SLC29A1: variants seen among roughly 807,000 people sequenced by gnomAD.
SLC29A1 encodes the protein solute carrier family 29 member 1 (Augustine blood group), also known as equilibrative nucleoside transporter 1.
A neutral mutation model predicts 48.3 loss-of-function variants in SLC29A1; 22 were observed. That is an observed-to-expected ratio of 0.46 (90% confidence interval 0.33 to 0.65). The LOEUF (loss-of-function observed/expected upper bound fraction) is 0.65, where lower values mean the gene tolerates loss of function less well. SLC29A1 is among the 30% of genes least tolerant of loss of function. SLC29A1 has a pLI of 0.03. For synonymous variants in SLC29A1, 228 were observed against 231.0 expected (o/e 0.99, Z 0.12); for missense variants, 491 against 575.3 (o/e 0.85, Z 1.50).
chr6:44,230,805 T>G lies in SLC29A1; in HGVS notation c.688-6T>G, dbSNP rs748642392. ...ATCCACCTCCCCCGTCTCCCTTACT[T>G]GATAGGAATTCTACCGCTACTACCA... is the stretch of plus-strand genomic sequence containing the variant. On this transcript the variant is annotated splice_region_variant and splice_polypyrimidine_tract_variant and intron_variant, in intron 7 of 12. Transcript: ENST00000371755. The G allele has an allele frequency of 1.2e-6, 2 of 1,613,228 alleles. No homozygotes were observed. The highest frequency in any genetic ancestry group is 2.2e-5 in the South Asian group (2 of 91,070).
chr6:44,231,983 A>T lies in SLC29A1; in HGVS notation c.865-15A>T, dbSNP rs772021375. The T allele has an allele frequency of 1.3e-6, 2 of 1,582,830 alleles. No individual in the cohort carries two copies. The highest frequency in any genetic ancestry group is 1.1e-5 in the South Asian group (1 of 90,376). On this transcript the variant is annotated splice_polypyrimidine_tract_variant and intron_variant, in intron 9 of 12. Transcript: ENST00000371755. ...AAGACACAGGCATTTGGGTGACTCT[A>T]CCCCTTCTATCTAGATCTCAGTCCT...
At position 44,229,045 on chromosome 6, in the gene SLC29A1, C is replaced by G. The variant is rs1007003696; in HGVS notation, c.30-345C>G. ...TGCTTTCTCACTCATCCACCCACCC[C>G]CTGCCCTTCGGCAGGATTTCCAAAA... On this transcript the variant is annotated intron_variant, in intron 2 of 12. Coordinates refer to ENST00000371755, the MANE Select transcript of SLC29A1 (RefSeq NM_001372327.1). The surrounding 1 kb of genome is among the most constrained non-coding windows in gnomAD (Gnocchi z 5.1). Among the ~76,000 whole-genome samples, 1 of 152,242 alleles carries G rather than the reference C, an allele frequency of 6.6e-6. No individual in the cohort carries two copies. Among genetic ancestry groups the G allele is most frequent in the East Asian group, 1.9e-4 (1 of 5,202 alleles).
Position 44,231,458 on chromosome 6 carries a change from A to T in SLC29A1, c.861A>T (p.Lys287Asn). Residue 287 changes from lysine to asparagine, a missense_variant, in exon 9 of 13, where the codon AAA becomes AAT. Lys to Asn is a moderately conservative substitution (Grantham distance 94). Transcript: ENST00000371755. ...NESHSIKAILKNISVLAFSVC... is the reference protein window; with the variant it reads ...NESHSIKAILNNISVLAFSVC... ...GCCACTCTATCAAAGCCATCCTGAAAAATGTACGTAGGGGAGGTTATCCTA... is the reference window on the plus strand; with the variant it reads ...GCCACTCTATCAAAGCCATCCTGAATAATGTACGTAGGGGAGGTTATCCTA... 6.3e-7 allele frequency: 1 copy of T among 1,594,000 alleles called. No homozygotes were observed. The highest frequency in any genetic ancestry group is 8.6e-7 in the Non-Finnish European group (1 of 1,164,730).
At chr6:44,227,569 CTG>C (rs906037062) in intron 2 of SLC29A1, among the ~76,000 whole-genome samples, 5 of 152,342 alleles carry the variant, frequency 3.3e-5, no homozygotes, top group Middle Eastern at 3.4e-3. Flanking sequence ...CCTGGCCTGT[CTG>C]TGTTTCCACT....
At position 44,229,366 on chromosome 6, in the gene SLC29A1, C is replaced by G; in HGVS notation, c.30-24C>G. On this transcript the variant is annotated intron_variant, in intron 2 of 12. Coordinates refer to ENST00000371755, the MANE Select transcript of SLC29A1 (RefSeq NM_001372327.1). This position sits in a 1 kb window ranked among gnomAD's most constrained non-coding sequence, Gnocchi z 5.1. The stretch of plus-strand genomic sequence containing the variant: ...TGGGGCAGGATGGTGCGTCATTTGG[C>G]CCATCTTTCCTCCTCCATTGCAGAT... The G allele has an allele frequency of 6.3e-7, 1 of 1,589,764 alleles. No individual in the cohort carries two copies. Among genetic ancestry groups the G allele is most frequent in the Non-Finnish European group, 8.6e-7 (1 of 1,157,812 alleles).
In SLC29A1 at chr6:44,223,662, CTG is replaced by C. The variant is rs955610393; in HGVS notation, c.-52+22_-52+23del. 224 of 1,174,208 alleles carry C rather than the reference CTG, an allele frequency of 1.9e-4. No individual in the cohort carries two copies. The highest frequency in any genetic ancestry group is 2.3e-4 in the Non-Finnish European group (211 of 928,846). The allele number at this position is 1,174,208 out of a possible 1,614,324, so 72.7% of individuals were successfully genotyped here. A position where few individuals can be genotyped will look rare whatever the true frequency, so the allele number is the denominator to read the frequency against. The stretch of plus-strand genomic sequence containing the variant: ...GGCAGGTGCTGCCCGGGGCCGGGGA[CTG>C]GGGACTGGGGACTGCCGGGGCGGAA... On this transcript the variant is annotated intron_variant, in intron 1 of 12. Transcript: ENST00000371755. This position sits in a 1 kb window ranked among gnomAD's most constrained non-coding sequence, Gnocchi z 5.0.
Position 44,230,643 on chromosome 6 carries a change from G to T in SLC29A1, c.665G>T (p.Cys222Phe), listed in dbSNP as rs760876039. 6.4e-7 allele frequency: 1 copy of T among 1,559,140 alleles called. No homozygotes were observed. Among genetic ancestry groups the T allele is most frequent in the African/African-American group, 1.4e-5 (1 of 70,202 alleles). Reference protein sequence around the residue: ...ACAVIILTIICYLGLPRLEFY... With the variant: ...ACAVIILTIIFYLGLPRLEFY... ...GCTGTTATCATTTTGACCATCATCT[G>T]TTACCTGGGCCTGCCCCGCCTGGTG... The change falls in exon 7 of 13, where the codon TGT becomes TTT. Residue 222 changes from cysteine to phenylalanine, a missense_variant. Coordinates refer to ENST00000371755, the MANE Select transcript of SLC29A1 (RefSeq NM_001372327.1).
rs888228858 is a variant in SLC29A1 at position 44,233,096 on chromosome 6, G to A, written c.1259+90G>A. On this transcript the variant is annotated intron_variant, in intron 12 of 12. Coordinates refer to ENST00000371755, the MANE Select transcript of SLC29A1 (RefSeq NM_001372327.1). ...TCAGTAGAGGGAGGGCAAAAGGAGA[G>A]TCCCTGCTCCCAGAGCTGAGAGGAG... is the stretch of plus-strand genomic sequence containing the variant. 10 of 1,334,338 alleles carry A rather than the reference G, an allele frequency of 7.5e-6. No individual in the cohort carries two copies. In the East Asian group the frequency reaches 2.3e-4, roughly 31 times the overall value. The allele number at this position is 1,334,338 out of a possible 1,614,324, so 82.7% of individuals were successfully genotyped here.
Position 44,226,779 on chromosome 6 carries a change from C to G in SLC29A1, c.-51-484C>G, listed in dbSNP as rs931983988. The G allele has an allele frequency of 6.0e-6, 6 of 1,003,360 alleles. No homozygotes were observed. The Admixed American group carries it at 3.2e-4, about 54-fold the overall frequency. The allele number at this position is 1,003,360 out of a possible 1,614,324, so 62.2% of individuals were successfully genotyped here. A position where few individuals can be genotyped will look rare whatever the true frequency, so the allele number is the denominator to read the frequency against. The stretch of plus-strand genomic sequence containing the variant: ...ATCATCGATGTTGTCGCAGCTGCTG[C>G]AGATCTGCCTGTTCCGTGTCCTTCC... On this transcript the variant is annotated intron_variant, in intron 1 of 12. Coordinates refer to ENST00000371755, the MANE Select transcript of SLC29A1 (RefSeq NM_001372327.1).
intron 1 of SLC29A1, chr6:44,226,201 T>G (rs1319875135): frequency 1.3e-6 from 1 of 791,330 alleles, no homozygotes; most frequent in East Asian, 1.3e-4. Context: ...AGGGAAGCTG[T>G]CCTTTCACCC....
chr6:44,228,787 C>T (rs1347063193), intron 2 of SLC29A1, among the ~76,000 whole-genome samples: 2 of 152,204 alleles, frequency 1.3e-5, no homozygotes, highest in African/African-American at 4.8e-5. Context: ...CCCATACCTC[C>T]TGGCCTGCCC....
chr6:44,230,318 C>T (rs1778544109), intron 5 of SLC29A1, 29 bp from the exon 6 acceptor site: 1 of 1,600,042 alleles, frequency 6.2e-7, no homozygotes, highest in Non-Finnish European at 8.5e-7. Context: ...GCCCTAGCTC[C>T]CCTGCTCATG....
intron 8 of SLC29A1, 71 bp from the exon 9 acceptor site, chr6:44,231,293 T>C (rs945921551): frequency 1.9e-5 from 19 of 1,011,870 alleles, no homozygotes; most frequent in Non-Finnish European, 2.8e-5. Context: ...CCCAGCCGTT[T>C]TGGGGAATGT....
chr6:44,233,156 T>C (rs1779267602), intron 12 of SLC29A1, 150 bp downstream of exon 12: 1 of 877,622 alleles, frequency 1.1e-6, no homozygotes, highest in Non-Finnish European at 1.8e-6. Context: ...GCTGAGGGGA[T>C]AGTGACTGTA....
chr6:44,230,074 G>A, intron 5 of SLC29A1, 28 bp downstream of exon 5: 6 of 1,602,164 alleles, frequency 3.7e-6, no homozygotes, highest in Non-Finnish European at 4.2e-6. Flanking sequence ...GGGGCCTATG[G>A]GAGGAGGCAT....
chr6:44,226,886 G>A (rs1012581850), intron 1 of SLC29A1: 27 of 1,047,466 alleles, frequency 2.6e-5, no homozygotes, highest in East Asian at 8.1e-5. Context: ...GACCCCTCTC[G>A]TCCTCTTGCC....
chr6:44,222,314 G>A (rs985640984), upstream of SLC29A1, among the ~76,000 whole-genome samples: 3 of 152,108 alleles, frequency 2.0e-5, no homozygotes, highest in Non-Finnish European at 2.9e-5. Context: ...ATCTCTGTGG[G>A]GCATGGAAAC....
Position 44,229,886 on chromosome 6 carries a change from A to AC in SLC29A1, c.315-18dup. ...CCAGCTTTGCCCACTTGTCTCTGCC[A>AC]CCCTTGGCCTCTCCCGGCAGGATCC... On this transcript the variant is annotated intron_variant, in intron 4 of 12. Transcript: ENST00000371755. This position sits in a 1 kb window ranked among gnomAD's most constrained non-coding sequence, Gnocchi z 5.1. The AC allele has an allele frequency of 6.2e-7, 1 of 1,610,202 alleles. No individual in the cohort carries two copies. Among genetic ancestry groups the AC allele is most frequent in the Non-Finnish European group, 8.5e-7 (1 of 1,179,434 alleles).
At chr6:44,221,484 G>T, upstream of SLC29A1, 1 of 462,842 alleles carries the variant, frequency 2.2e-6, no homozygotes. This position sits in a 1 kb window ranked among gnomAD's most constrained non-coding sequence, Gnocchi z 4.2. Flanking sequence ...GCCAAGTTGG[G>T]GAGGGAGTCT....
Sources: allele counts gnomAD v4.1 joint callset (sites outside exome capture counted in the v4.1 genomes callset), GRCh38; gene constraint gnomAD v4.1.1; non-coding constraint Gnocchi (gnomAD v3.1); transcripts MANE v1.5; gene names NCBI Gene and HGNC (gene_info 2026-07-23, HGNC 2026-07-21).